Variants in TBKBP1 observed in about 807,000 individuals in gnomAD.
The protein encoded by TBKBP1 is TANK-binding kinase 1-binding protein 1.
Under a neutral mutation model 69.9 loss-of-function variants are expected in TBKBP1, and 47 were observed. That is an observed-to-expected ratio of 0.67 (90% CI 0.53 to 0.86). The LOEUF (loss-of-function observed/expected upper bound fraction) is 0.86, where lower values mean the gene tolerates loss of function less well. Among genes scored for constraint, TBKBP1 ranks in the 40% least tolerant of loss-of-function variants. TBKBP1 has a pLI of 0.00. For missense variants in TBKBP1, 831 were observed against 858.6 expected (o/e 0.97, Z 0.40); for synonymous variants, 418 against 390.3 (o/e 1.07, Z -0.84).
rs540063209 is a variant in TBKBP1, at chr17:47,706,506, C to T, written c.873-1888C>T. Among the ~76,000 whole-genome samples the T allele has an allele frequency of 3.9e-5, 6 of 152,264 alleles. No individual in the cohort carries two copies. In the South Asian group the frequency reaches 1.2e-3, roughly 32 times the overall value. On this transcript the variant is annotated intron_variant, in intron 7 of 9. Coordinates refer to ENST00000578982, the MANE Select transcript of TBKBP1 (RefSeq NM_001394755.1). ...CTGAGATGTGATGGGATGGAGGCTGCAGGGTCTCAGCAGCAGCTTCTGGGA... is the reference window on the plus strand; with the variant it reads ...CTGAGATGTGATGGGATGGAGGCTGTAGGGTCTCAGCAGCAGCTTCTGGGA...
Position 47,708,695 on chromosome 17 carries a change from C to T in TBKBP1, c.992-30C>T. The stretch of plus-strand genomic sequence containing the variant: ...TGAGGTCTTCTCTCTGCACCTTTGT[C>T]CCCCCACCCCGTCCCGGTTTCTCTT... On this transcript the variant is annotated intron_variant, in intron 8 of 9. Coordinates refer to ENST00000578982, the MANE Select transcript of TBKBP1 (RefSeq NM_001394755.1). This position sits in a 1 kb window ranked among gnomAD's most constrained non-coding sequence, Gnocchi z 4.4. The T allele has an allele frequency of 6.9e-7, 1 of 1,457,406 alleles. No individual in the cohort carries two copies. The highest frequency in any genetic ancestry group is 9.0e-7 in the Non-Finnish European group (1 of 1,106,218). 90.3% of individuals were successfully genotyped at this position (1,457,406 alleles called of 1,614,324 possible). A position where few individuals can be genotyped will look rare whatever the true frequency, so the allele number is the denominator to read the frequency against.
In TBKBP1 at chr17:47,708,976, TC is replaced by T; in HGVS notation, c.1247del (p.Pro416ArgfsTer37). On this transcript the variant is annotated frameshift_variant, in exon 9 of 10. Transcript: ENST00000578982. LOFTEE classifies it high-confidence loss of function. The surrounding 1 kb of genome is among the most constrained non-coding windows in gnomAD (Gnocchi z 4.4). ...CCAGTCCCCCAGCCCGCAGCGCCGT[TC>T]CCCGGTGCCCCCCAGCTGCCCGGCC... is the stretch of plus-strand genomic sequence containing the variant. ...SCQSPSPQRR[S>X]PVPPSCPAPQ... 3 of 1,130,542 alleles carry T rather than the reference TC, an allele frequency of 2.7e-6. No individual in the cohort carries two copies. Among genetic ancestry groups the T allele is most frequent in the South Asian group, 3.2e-5 (1 of 30,794 alleles). 70.0% of individuals were successfully genotyped at this position (1,130,542 alleles called of 1,614,324 possible). A position where few individuals can be genotyped will look rare whatever the true frequency, so the allele number is the denominator to read the frequency against.
intron 1 of TBKBP1, chr17:47,695,829 T>G (rs1597952739): frequency 2.8e-6 from 1 of 357,032 alleles, no homozygotes; most frequent in East Asian, 4.3e-5. Context: ...CGGCCTGGCT[T>G]ACTTGTCCCT....
At chr17:47,700,210 C>G (rs995771518) in intron 7 of TBKBP1, among the ~76,000 whole-genome samples, 4 of 149,538 alleles carry the variant, frequency 2.7e-5, no homozygotes, top group Non-Finnish European at 5.9e-5. Flanking sequence ...AGGATGGTCT[C>G]GATCTCCTGA....
intron 9 of TBKBP1, among the ~76,000 whole-genome samples, chr17:47,710,267 T>A (rs780656024): frequency 2.0e-5 from 3 of 152,172 alleles, no homozygotes; most frequent in Non-Finnish European, 4.4e-5. Flanking sequence ...ACAGATGCCC[T>A]GGCAAGCTTA....
rs1156783009 is a variant in TBKBP1 at position 47,710,748 on chromosome 17, T to C, written c.*122T>C. 1.3e-5 allele frequency: 18 copies of C among 1,375,184 alleles called. No homozygotes were observed. The highest frequency in any genetic ancestry group is 1.8e-5 in the Non-Finnish European group (18 of 1,009,104). The allele number at this position is 1,375,184 out of a possible 1,614,324, so 85.2% of individuals were successfully genotyped here. A position where few individuals can be genotyped will look rare whatever the true frequency, so the allele number is the denominator to read the frequency against. Reference sequence around the variant, plus strand: ...CCTTGCGACCCCCAGATACCTCCACTTGCTACCGAGTCAACGTGTGTGCCA... The same window carrying C: ...CCTTGCGACCCCCAGATACCTCCACCTGCTACCGAGTCAACGTGTGTGCCA... On this transcript the variant is annotated 3_prime_UTR_variant, in exon 10 of 10. Transcript: ENST00000578982.
At chr17:47,696,487 G>T in intron 2 of TBKBP1, 150 bp downstream of exon 2, 2 of 1,140,128 alleles carry the variant, frequency 1.8e-6, no homozygotes, top group Non-Finnish European at 1.2e-6. Flanking sequence ...GGCTGTTCCG[G>T]ATGCGAACTG....
intron 9 of TBKBP1, 91 bp from the exon 10 acceptor site, chr17:47,710,407 C>T: frequency 6.5e-7 from 1 of 1,530,328 alleles, no homozygotes; most frequent in Non-Finnish European, 8.9e-7. Context: ...CACAGCCCTC[C>T]CTGCCCTGGG....
At position 47,709,205 on chromosome 17, in the gene TBKBP1, C is replaced by A; in HGVS notation, c.1472C>A (p.Ala491Asp). 1 of 1,517,136 alleles carries A rather than the reference C, an allele frequency of 6.6e-7. No homozygotes were observed. The highest frequency in any genetic ancestry group is 8.8e-7 in the Non-Finnish European group (1 of 1,141,788). 94.0% of individuals were successfully genotyped at this position (1,517,136 alleles called of 1,614,324 possible). A position where few individuals can be genotyped will look rare whatever the true frequency, so the allele number is the denominator to read the frequency against. The change falls in exon 9 of 10, where the codon GCC (alanine) becomes GAC (aspartate). Residue 491 changes from alanine to aspartate, a missense_variant. By Grantham distance (126) the Ala-to-Asp change is moderately radical. Coordinates refer to ENST00000578982, the MANE Select transcript of TBKBP1 (RefSeq NM_001394755.1). ...AEAATLPKPRAYGSELYGPGR... is the reference protein window; with the variant it reads ...AEAATLPKPRDYGSELYGPGR... ...GCGGCCACTCTCCCCAAGCCCCGGG[C>A]CTACGGCAGCGAGCTCTACGGCCCT...
Position 47,696,288 on chromosome 17 carries a change from A to T in TBKBP1, c.176A>T (p.Glu59Val), listed in dbSNP as rs1367689226. Reference sequence around the variant, plus strand: ...ATCAAGGAACGGCTGGGGGGCCTGGAGAGGGAGAACGCCACCCTCCGACGC... The same window carrying T: ...ATCAAGGAACGGCTGGGGGGCCTGGTGAGGGAGAACGCCACCCTCCGACGC... ...GDIKERLGGL[E>V]RENATLRRRL... Residue 59 changes from glutamate to valine, a missense_variant, in exon 2 of 10, where the codon GAG becomes GTG. Transcript: ENST00000578982. 16 of 1,613,340 alleles carry T rather than the reference A, an allele frequency of 9.9e-6. No homozygotes were observed. Among genetic ancestry groups the T allele is most frequent in the Non-Finnish European group, 1.4e-5 (16 of 1,179,830 alleles).
At position 47,710,870 on chromosome 17, in the gene TBKBP1, T is replaced by G; in HGVS notation, c.*244T>G. The G allele has an allele frequency of 2.2e-6, 1 of 456,694 alleles. No homozygotes were observed. The allele number at this position is 456,694 out of a possible 1,614,324, so 28.3% of individuals were successfully genotyped here. On this transcript the variant is annotated 3_prime_UTR_variant, in exon 10 of 10. Transcript: ENST00000578982. ...TGGTTTCTGCTTAGGAGGTGGGGAC[T>G]TGGGCTGGGATGGGGACGGCATACC...
chr17:47,699,355 C>A lies in TBKBP1; in HGVS notation c.670C>A (p.Leu224Met). 6.4e-7 allele frequency: 1 copy of A among 1,552,086 alleles called. No homozygotes were observed. Among genetic ancestry groups the A allele is most frequent in the Non-Finnish European group, 8.7e-7 (1 of 1,154,484 alleles). ...WPGSTPSVSD[L>M]ERRRLEEALE... ...GGGCTCCACACCCAGTGTGAGTGAC[C>A]TGGAGCGGCGGCGGCTAGAAGAGGC... Residue 224 changes from leucine (L) to methionine (M), a missense_variant, in exon 6 of 10, where the codon CTG becomes ATG. Transcript: ENST00000578982.
chr17:47,696,347 TGGAGA>T lies in TBKBP1; in HGVS notation c.225+15_225+19del. 6.2e-7 allele frequency: 1 copy of T among 1,610,750 alleles called. No individual in the cohort carries two copies. The highest frequency in any genetic ancestry group is 2.2e-5 in the East Asian group (1 of 44,832). On this transcript the variant is annotated intron_variant, in intron 2 of 9. Coordinates refer to ENST00000578982, the MANE Select transcript of TBKBP1 (RefSeq NM_001394755.1). The stretch of plus-strand genomic sequence containing the variant: ...AGTCTACGAGATCAAGGTCAGAACT[TGGAGA>T]GGAGGGCGCCTGATAGAGTGTATGG...
chr17:47,708,948 G>C lies in TBKBP1; in HGVS notation c.1215G>C (p.Ser405=). 1 of 1,231,604 alleles carries C rather than the reference G, an allele frequency of 8.1e-7. No homozygotes were observed. The highest frequency in any genetic ancestry group is 1.0e-6 in the Non-Finnish European group (1 of 979,302). 76.3% of individuals were successfully genotyped at this position (1,231,604 alleles called of 1,614,324 possible). ...AGCGCCGCTCGCCGGTGCCGCCGTC[G>C]TGCCAGTCCCCCAGCCCGCAGCGCC... ...VPQRRSPVPP[S]CQSPSPQRRS... Residue 405 remains serine, a synonymous_variant, in exon 9 of 10, where the codon TCG becomes TCC. Coordinates refer to ENST00000578982, the MANE Select transcript of TBKBP1 (RefSeq NM_001394755.1). This position sits in a 1 kb window ranked among gnomAD's most constrained non-coding sequence, Gnocchi z 4.4.
Position 47,698,276 on chromosome 17 carries a change from C to T in TBKBP1, c.454-319C>T, listed in dbSNP as rs7223592. ...TTTTATGGATCAGGTGGGTGAAGTC[C>T]AGAAGCTCTTGTCATGTATGCAAAT... On this transcript the variant is annotated intron_variant, in intron 4 of 9. Transcript: ENST00000578982. Among the ~76,000 whole-genome samples, 548 of 152,292 alleles carry T rather than the reference C, an allele frequency of 3.6e-3. 3 individuals are homozygous for T. Among genetic ancestry groups the T allele is most frequent in the African/African-American group, 0.012 (514 of 41,550 alleles).
At position 47,708,987 on chromosome 17, in the gene TBKBP1, C is replaced by A; in HGVS notation, c.1254C>A (p.Pro418=). 1 of 1,126,652 alleles carries A rather than the reference C, an allele frequency of 8.9e-7. No individual in the cohort carries two copies. The highest frequency in any genetic ancestry group is 1.1e-6 in the Non-Finnish European group (1 of 921,314). The allele number at this position is 1,126,652 out of a possible 1,614,324, so 69.8% of individuals were successfully genotyped here. A position where few individuals can be genotyped will look rare whatever the true frequency, so the allele number is the denominator to read the frequency against. Residue 418 remains proline (P), a synonymous_variant, in exon 9 of 10, where the codon CCC becomes CCA. Transcript: ENST00000578982. This position sits in a 1 kb window ranked among gnomAD's most constrained non-coding sequence, Gnocchi z 4.4. ...GCCCGCAGCGCCGTTCCCCGGTGCC[C>A]CCCAGCTGCCCGGCCCCGCAGCCCC... The part of the protein sequence containing the change: ...SPSPQRRSPV[P]PSCPAPQPRP...
chr17:47,696,260 G>A lies in TBKBP1; in HGVS notation c.148G>A (p.Asp50Asn), dbSNP rs2031234196. 3 of 1,613,486 alleles carry A rather than the reference G, an allele frequency of 1.9e-6. No individual in the cohort carries two copies. The African/African-American group carries it at 4.0e-5, about 22-fold the overall frequency. The stretch of plus-strand genomic sequence containing the variant: ...CTTTGCCCTCATCACTGCTTACGGA[G>A]ACATCAAGGAACGGCTGGGGGGCCT... ...SHFALITAYGDIKERLGGLER... is the reference protein window; with the variant it reads ...SHFALITAYGNIKERLGGLER... Residue 50 changes from aspartate to asparagine, a missense_variant, in exon 2 of 10, where the codon GAC becomes AAC. Physicochemically the swap from Asp to Asn is conservative, Grantham distance 23. Coordinates refer to ENST00000578982, the MANE Select transcript of TBKBP1 (RefSeq NM_001394755.1).
Position 47,699,418 on chromosome 17 carries a change from C to G in TBKBP1, c.733C>G (p.Leu245Val). ...GCAGGGAGAGGCCCGGGGGGCTCAGCTCCGGGAGGAGCAGCTCCAGGCCGA... is the reference window on the plus strand; with the variant it reads ...GCAGGGAGAGGCCCGGGGGGCTCAGGTCCGGGAGGAGCAGCTCCAGGCCGA... ...AAQGEARGAQ[L>V]REEQLQAECE... Residue 245 changes from leucine (L) to valine (V), a missense_variant, in exon 6 of 10, where the codon CTC (leucine) becomes GTC (valine). By Grantham distance (32) the Leu-to-Val change is conservative. Transcript: ENST00000578982. 1 of 1,568,714 alleles carries G rather than the reference C, an allele frequency of 6.4e-7. No individual in the cohort carries two copies. Among genetic ancestry groups the G allele is most frequent in the Non-Finnish European group, 8.6e-7 (1 of 1,161,218 alleles).
At chr17:47,697,979 G>A (rs922754067) in intron 4 of TBKBP1, among the ~76,000 whole-genome samples, 5 of 146,730 alleles carry the variant, frequency 3.4e-5, no homozygotes, top group African/African-American at 7.5e-5. Flanking sequence ...AAAAAAATCA[G>A]GAGACATGGT....
Sources: allele counts gnomAD v4.1 joint callset (sites outside exome capture counted in the v4.1 genomes callset), GRCh38; gene constraint gnomAD v4.1.1; non-coding constraint Gnocchi (gnomAD v3.1); transcripts MANE v1.5; gene names NCBI Gene and HGNC (gene_info 2026-07-23, HGNC 2026-07-21).